Variants in TNPO1 observed in about 807,000 individuals in gnomAD.
TNPO1 encodes transportin 1, also known as transportin-1.
A neutral mutation model predicts 119.5 loss-of-function variants in TNPO1; 8 were observed. The ratio of observed to expected loss-of-function variants is 0.07; its 90% confidence interval spans 0.04 to 0.12. The LOEUF (loss-of-function observed/expected upper bound fraction) is 0.12, where lower values mean the gene tolerates loss of function less well. Ranked by LOEUF, TNPO1 falls within the 10% of genes least tolerant of loss-of-function variation. The pLI, the probability that TNPO1 is intolerant of heterozygous loss-of-function variation, is 1.00. For missense variants in TNPO1, 576 were observed against 1,089.8 expected, an observed-to-expected ratio of 0.53 and a Z score of 6.64; for synonymous variants, 362 against 363.0, an observed-to-expected ratio of 1.00 and a Z score of 0.03.
At position 72,855,803 on chromosome 5, in the gene TNPO1, A is replaced by T; in HGVS notation, c.235A>T (p.Ile79Phe). 6.2e-7 allele frequency: 1 copy of T among 1,611,704 alleles called. No homozygotes were observed. Among genetic ancestry groups the T allele is most frequent in the Non-Finnish European group, 8.5e-7 (1 of 1,179,502 alleles). The change falls in exon 4 of 25, where the codon ATC becomes TTC. Residue 79 changes from isoleucine (I) to phenylalanine (F), a missense_variant. Coordinates refer to ENST00000337273, the MANE Select transcript of TNPO1 (RefSeq NM_002270.4). ...DEPTRSLSGLILKNNVKAHFQ... is the reference protein window; with the variant it reads ...DEPTRSLSGLFLKNNVKAHFQ... ...ACCCACAAGATCATTGAGTGGTCTT[A>T]TCTTGAAGAATAATGTGAAAGCACA...
intron 1 of TNPO1, among the ~76,000 whole-genome samples, chr5:72,835,234 A>C (rs1045619584): frequency 6.6e-6 from 1 of 152,212 alleles, no homozygotes. Context: ...GTCTGCTTTA[A>C]TGTCCACCAC....
rs34716199 is a variant in TNPO1, at chr5:72,897,488, AT to A, written c.2338+348del. 1.6e-3 allele frequency among the ~76,000 whole-genome samples: 238 copies of A among 149,942 alleles called. 1 individual carries two copies. The highest frequency in any genetic ancestry group is 3.2e-3 in the African/African-American group (130 of 40,912). The stretch of plus-strand genomic sequence containing the variant: ...GAGAGTAACTGGGAGCTGGGAAGTA[AT>A]TTTTTTTTTTAATCTGTCCAAATGT... On this transcript the variant is annotated intron_variant, in intron 20 of 24. Transcript: ENST00000337273.
intron 13 of TNPO1, among the ~76,000 whole-genome samples, chr5:72,888,543 A>C (rs1214790577): frequency 6.6e-6 from 1 of 152,198 alleles, no homozygotes; most frequent in African/African-American, 2.4e-5. Flanking sequence ...GAATTTTGTC[A>C]TGTGGGTTTT....
At chr5:72,888,399 G>C in intron 13 of TNPO1, 96 bp downstream of exon 13, 2 of 1,090,288 alleles carry the variant, frequency 1.8e-6, no homozygotes, top group Non-Finnish European at 2.6e-6. Flanking sequence ...ATAATGAAGT[G>C]TTTCGTAATT....
rs528718512 is a variant in TNPO1, at chr5:72,819,436, A to C, written c.15+2684A>C. Among the ~76,000 whole-genome samples, 31 of 152,358 alleles carry C rather than the reference A, an allele frequency of 2.0e-4. No individual in the cohort carries two copies. In the South Asian group the frequency reaches 5.0e-3, roughly 24 times the overall value. On this transcript the variant is annotated intron_variant, in intron 1 of 24. Coordinates refer to ENST00000337273, the MANE Select transcript of TNPO1 (RefSeq NM_002270.4). Reference sequence around the variant, plus strand: ...TGGGTTGCTTTGAAGGGTCCTTTGAAGTACTGTAAGTTGCTGTAGTAAGTA... The same window carrying C: ...TGGGTTGCTTTGAAGGGTCCTTTGACGTACTGTAAGTTGCTGTAGTAAGTA...
chr5:72,913,840 G>A lies in TNPO1; in HGVS notation c.*5167G>A, dbSNP rs1464967325. On this transcript the variant is annotated 3_prime_UTR_variant, in exon 25 of 25. Transcript: ENST00000337273. The stretch of plus-strand genomic sequence containing the variant: ...ATTGAGCTTGGGTGATTTTTATGGA[G>A]ACAATAATTAGACAATACTGTATAA... 1 of 152,520 alleles carries A rather than the reference G, an allele frequency of 6.6e-6. No homozygotes were observed. 9.4% of individuals were successfully genotyped at this position (152,520 alleles called of 1,614,324 possible).
chr5:72,896,226 C>A (rs1237959800), intron 18 of TNPO1, among the ~76,000 whole-genome samples: 1 of 152,014 alleles, frequency 6.6e-6, no homozygotes, highest in African/African-American at 2.4e-5. Context: ...TGGCCAGATA[C>A]TGTTTTCTTC....
chr5:72,853,150 G>A (rs1745717287), intron 3 of TNPO1, among the ~76,000 whole-genome samples: 1 of 152,074 alleles, frequency 6.6e-6, no homozygotes, highest in African/African-American at 2.4e-5. Flanking sequence ...GCTCTTTCTT[G>A]GGATATAAGG....
Position 72,816,915 on chromosome 5 carries a change from AC to A in TNPO1, c.15+167del, listed in dbSNP as rs1184434555. 22 of 836,704 alleles carry A rather than the reference AC, an allele frequency of 2.6e-5. No individual in the cohort carries two copies. The East Asian group carries it at 6.2e-4, about 23-fold the overall frequency. 51.8% of individuals were successfully genotyped at this position (836,704 alleles called of 1,614,324 possible). On this transcript the variant is annotated intron_variant, in intron 1 of 24. Coordinates refer to ENST00000337273, the MANE Select transcript of TNPO1 (RefSeq NM_002270.4). ...GAGAGGCAGCGGCGGCGCGGTTCTAACCCCAACAGCTGCCCGCCCAGGCGCC... is the reference window on the plus strand; with the variant it reads ...GAGAGGCAGCGGCGGCGCGGTTCTAACCCAACAGCTGCCCGCCCAGGCGCC...
In TNPO1 at chr5:72,913,864, A is replaced by T. The variant is rs922721427; in HGVS notation, c.*5191A>T. The T allele has an allele frequency of 3.9e-5, 6 of 152,560 alleles. No individual in the cohort carries two copies. Among genetic ancestry groups the T allele is most frequent in the African/African-American group, 1.4e-4 (6 of 41,460 alleles). 9.5% of individuals were successfully genotyped at this position (152,560 alleles called of 1,614,324 possible). ...AGACAATAATTAGACAATACTGTAT[A>T]ATTAGTTTTACTTAATAGATTATCA... is the stretch of plus-strand genomic sequence containing the variant. On this transcript the variant is annotated 3_prime_UTR_variant, in exon 25 of 25. Coordinates refer to ENST00000337273, the MANE Select transcript of TNPO1 (RefSeq NM_002270.4).
At chr5:72,843,940 TAGTG>T (rs1396992659) in intron 1 of TNPO1, among the ~76,000 whole-genome samples, 1 of 152,214 alleles carries the variant, frequency 6.6e-6, no homozygotes, top group African/African-American at 2.4e-5. Flanking sequence ...AATGAGAACT[TAGTG>T]AGGATAAAAA....
chr5:72,828,601 T>C (rs1744309722), intron 1 of TNPO1, among the ~76,000 whole-genome samples: 1 of 152,142 alleles, frequency 6.6e-6, no homozygotes, highest in African/African-American at 2.4e-5. Context: ...TACTTTAATG[T>C]GCATATCCTG....
chr5:72,874,492 G>T (rs996485910), intron 7 of TNPO1, among the ~76,000 whole-genome samples: 1 of 152,126 alleles, frequency 6.6e-6, no homozygotes, highest in Non-Finnish European at 1.5e-5. Context: ...GTAAATTAAT[G>T]AAATCTTTTA....
At chr5:72,885,351 T>G (rs1195620637) in intron 11 of TNPO1, among the ~76,000 whole-genome samples, 1 of 152,128 alleles carries the variant, frequency 6.6e-6, no homozygotes, top group African/African-American at 2.4e-5. Flanking sequence ...TACTTTCAGA[T>G]TAGGGGAGCA....
intron 4 of TNPO1, among the ~76,000 whole-genome samples, chr5:72,856,644 G>A (rs1228254837): frequency 6.6e-6 from 1 of 152,134 alleles, no homozygotes; most frequent in East Asian, 1.9e-4. Context: ...TAGGATTCTA[G>A]ATTTTTACTA....
rs971199410 is a variant in TNPO1, at chr5:72,856,195, C to T, written c.355+272C>T. On this transcript the variant is annotated intron_variant, in intron 4 of 24. Coordinates refer to ENST00000337273, the MANE Select transcript of TNPO1 (RefSeq NM_002270.4). Reference sequence around the variant, plus strand: ...GGCATCAACAAGTGATATTAATTTGCGGACACTACTTTTTCTTGAGCATGC... The same window carrying T: ...GGCATCAACAAGTGATATTAATTTGTGGACACTACTTTTTCTTGAGCATGC... Among the ~76,000 whole-genome samples the T allele has an allele frequency of 2.0e-5, 3 of 152,058 alleles. No individual in the cohort carries two copies. In the East Asian group the frequency reaches 5.8e-4, roughly 29 times the overall value.
At chr5:72,876,470 T>C (rs1451172128) in intron 8 of TNPO1, among the ~76,000 whole-genome samples, 1 of 152,226 alleles carries the variant, frequency 6.6e-6, no homozygotes, top group Non-Finnish European at 1.5e-5. Flanking sequence ...ATATTCGCAC[T>C]AAGAGATGTC....
intron 6 of TNPO1, among the ~76,000 whole-genome samples, chr5:72,870,894 C>T (rs565752988): frequency 6.6e-6 from 1 of 152,090 alleles, no homozygotes; most frequent in Non-Finnish European, 1.5e-5. Context: ...ATGCCAAGTA[C>T]TTAACATATA....
chr5:72,848,797 T>G (rs1745307768), intron 2 of TNPO1, among the ~76,000 whole-genome samples: 1 of 148,302 alleles, frequency 6.7e-6, no homozygotes. Context: ...TCGCGACATG[T>G]GCGCGGGCCG....
Sources: gnomAD v4.1 joint callset for allele counts (sites outside exome capture counted in the v4.1 genomes callset) on GRCh38, gnomAD v4.1.1 for gene constraint, MANE v1.5 for transcripts, NCBI Gene and HGNC (gene_info 2026-07-23, HGNC 2026-07-21) for gene names.